The following RNF185 variants were observed in gnomAD, a reference collection of about 807,000 sequenced individuals.
RNF185 encodes the protein ring finger protein 185.
A neutral mutation model predicts 24.9 loss-of-function variants in RNF185; 13 were observed. That is an observed-to-expected ratio of 0.52 (90% CI 0.34 to 0.83). The LOEUF is 0.83. RNF185 is among the 40% of genes least tolerant of loss of function. The pLI, the probability that RNF185 is intolerant of heterozygous loss-of-function variation, is 0.01. For synonymous variants in RNF185, 79 were observed against 90.3 expected (o/e 0.88, Z 0.71); for missense variants, 184 against 244.7 (o/e 0.75, Z 1.65).
chr22:31,169,189 G>A (rs980204212), intron 1 of RNF185, among the ~76,000 whole-genome samples: 6 of 152,106 alleles, frequency 3.9e-5, no homozygotes, highest in Admixed American at 3.9e-4. Context: ...GGAATTACAG[G>A]CCTGAGCCAC....
At chr22:31,191,757 G>A (rs1220133452) in intron 2 of RNF185, among the ~76,000 whole-genome samples, 1 of 151,452 alleles carries the variant, frequency 6.6e-6, no homozygotes, top group Non-Finnish European at 1.5e-5. Context: ...GCTTGAACCT[G>A]GGAGGTGGAG....
chr22:31,167,897 G>A (rs9609230), intron 1 of RNF185, among the ~76,000 whole-genome samples: 1 of 152,122 alleles, frequency 6.6e-6, no homozygotes, highest in African/African-American at 2.4e-5. Flanking sequence ...ATAGGCATGA[G>A]CCACCGTACC....
intron 1 of RNF185, among the ~76,000 whole-genome samples, chr22:31,163,060 G>C (rs1227100113): frequency 6.6e-6 from 1 of 151,902 alleles, no homozygotes; most frequent in African/African-American, 2.4e-5. Flanking sequence ...CACCACGTCT[G>C]GCCTGCTTTT....
chr22:31,194,966 T>C (rs1444006478), intron 3 of RNF185, among the ~76,000 whole-genome samples: 1 of 152,034 alleles, frequency 6.6e-6, no homozygotes, highest in East Asian at 1.9e-4. Flanking sequence ...TTTTTTCTTT[T>C]TTTTGAGACA....
intron 4 of RNF185, 122 bp from the exon 5 acceptor site, chr22:31,196,814 T>C: frequency 7.7e-7 from 1 of 1,306,608 alleles, no homozygotes; most frequent in Non-Finnish European, 1.0e-6. Flanking sequence ...CTGGCATAAG[T>C]TCATGTCCTG....
intron 5 of RNF185, 40 bp from the exon 6 acceptor site, chr22:31,201,458 G>T (rs1053385121): frequency 6.8e-7 from 1 of 1,474,412 alleles, no homozygotes; most frequent in South Asian, 1.1e-5. Context: ...GGAGAAACCT[G>T]CCTGATTCTC....
At chr22:31,189,135 A>ATGTGTGTGTGTGTGTGTGTGTG (rs202051750) in intron 2 of RNF185, among the ~76,000 whole-genome samples, 1 of 136,872 alleles carries the variant, frequency 7.3e-6, no homozygotes, top group Non-Finnish European at 1.6e-5. Context: ...CAAAAAAAAA[A>ATGTGTGTGTGTGTGTGTGTGTG]TGTGTGTGTG....
At chr22:31,174,028 GACCTT>G (rs760069559) in intron 1 of RNF185, among the ~76,000 whole-genome samples, 1 of 152,212 alleles carries the variant, frequency 6.6e-6, no homozygotes, top group Non-Finnish European at 1.5e-5. Flanking sequence ...TGAACTCAGA[GACCTT>G]AAAAGGGAGG....
At chr22:31,185,377 CCTTGT>C (rs2147944608) in intron 1 of RNF185, among the ~76,000 whole-genome samples, 1 of 152,190 alleles carries the variant, frequency 6.6e-6, no homozygotes, top group East Asian at 1.9e-4. Flanking sequence ...CTTTTTTGGT[CCTTGT>C]CTTCTCATAC....
chr22:31,174,162 T>C (rs2047958674), intron 1 of RNF185, among the ~76,000 whole-genome samples: 1 of 152,122 alleles, frequency 6.6e-6, no homozygotes, highest in Non-Finnish European at 1.5e-5. Context: ...TTTTAGCAAA[T>C]GAGAAAAACA....
chr22:31,177,174 T>C (rs1015136512), intron 1 of RNF185, among the ~76,000 whole-genome samples: 3 of 152,162 alleles, frequency 2.0e-5, no homozygotes, highest in Admixed American at 6.6e-5. Flanking sequence ...TACACACTTC[T>C]GTCAGTTCCC....
chr22:31,161,506 ACCCAATAT>A (rs1285710259), intron 1 of RNF185, among the ~76,000 whole-genome samples: 10 of 152,352 alleles, frequency 6.6e-5, no homozygotes, highest in African/African-American at 2.4e-4. Context: ...CTTTGGAATG[ACCCAATAT>A]CTGATAGAGG....
At chr22:31,181,860 G>T (rs574501875) in intron 1 of RNF185, among the ~76,000 whole-genome samples, 1 of 143,696 alleles carries the variant, frequency 7.0e-6, no homozygotes, top group Non-Finnish European at 1.5e-5. Context: ...GTTGTGGGGT[G>T]GGGGGAGGGG....
At chr22:31,179,978 T>G (rs1209659072) in intron 1 of RNF185, among the ~76,000 whole-genome samples, 1 of 151,792 alleles carries the variant, frequency 6.6e-6, no homozygotes, top group Non-Finnish European at 1.5e-5. Context: ...ACTTTTCAGG[T>G]GAGAAAAGAG....
At position 31,205,236 on chromosome 22, in the gene RNF185, G is replaced by T. The variant is rs994803617; in HGVS notation, c.*650G>T. The T allele has an allele frequency of 2.3e-5, 4 of 170,366 alleles. No individual in the cohort carries two copies. The highest frequency in any genetic ancestry group is 7.2e-5 in the African/African-American group (3 of 41,544). 10.6% of individuals were successfully genotyped at this position (170,366 alleles called of 1,614,324 possible). On this transcript the variant is annotated 3_prime_UTR_variant, in exon 7 of 7. Transcript: ENST00000326132. The stretch of plus-strand genomic sequence containing the variant: ...TTTTATTGGCTCTGGGCTGTGCTCA[G>T]TGTCTTTGGCCTCAGAGAACAACTT...
At chr22:31,193,815 GA>G (rs778695789) in intron 3 of RNF185, among the ~76,000 whole-genome samples, 3 of 141,656 alleles carry the variant, frequency 2.1e-5, no homozygotes, top group South Asian at 4.5e-4. Flanking sequence ...CCAAAAAACC[GA>G]AAAAAAAATC....
At chr22:31,198,650 T>C (rs1163676995) in intron 5 of RNF185, among the ~76,000 whole-genome samples, 1 of 149,060 alleles carries the variant, frequency 6.7e-6, no homozygotes, top group Non-Finnish European at 1.5e-5. Flanking sequence ...CCGCCCTCCT[T>C]GGCCTCCCAA....
chr22:31,204,581 G>A lies in RNF185; in HGVS notation c.574G>A (p.Ala192Thr). Residue 192 changes from alanine to threonine, a missense_variant, in exon 7 of 7, where the codon GCC becomes ACC. Transcript: ENST00000326132. ...ALVIMFWLLI[A>T] is the part of the protein sequence containing the mutation. ...GGTGATCATGTTCTGGCTCCTGATT[G>A]CCTAATGCTGGGCTCCTGCCTACAT... 6.4e-7 allele frequency: 1 copy of A among 1,567,520 alleles called. No individual in the cohort carries two copies. Among genetic ancestry groups the A allele is most frequent in the South Asian group, 1.1e-5 (1 of 90,100 alleles).
intron 3 of RNF185, among the ~76,000 whole-genome samples, chr22:31,194,592 G>C (rs1397947409): frequency 6.6e-6 from 1 of 152,084 alleles, no homozygotes; most frequent in Admixed American, 6.6e-5. Flanking sequence ...GCTGGGCGCA[G>C]TGGTGGGCGC....
Sources: allele counts gnomAD v4.1 joint callset (sites outside exome capture counted in the v4.1 genomes callset), GRCh38; gene constraint gnomAD v4.1.1; transcripts MANE v1.5; gene names NCBI Gene and HGNC (gene_info 2026-07-23, HGNC 2026-07-21).